The following ZNF215 variants were observed in gnomAD, a reference collection of about 807,000 sequenced individuals.
ZNF215 encodes the protein BWSCR2-associated zinc finger protein 2.
A neutral mutation model predicts 27.2 loss-of-function variants in ZNF215; 24 were observed. The observed-to-expected ratio is 0.88, with a 90% CI of 0.64 to 1.24. The LOEUF is 1.24. Among genes scored for constraint, ZNF215 ranks in the 50% most tolerant of loss-of-function variants. The pLI, the probability that ZNF215 is intolerant of heterozygous loss-of-function variation, is 0.00. For synonymous variants in ZNF215, 210 were observed against 204.0 expected (o/e 1.03, Z -0.25); for missense variants, 675 against 605.7 (o/e 1.11, Z -1.20).
At chr11:6,950,991 C>A (rs1294732297) in intron 6 of ZNF215, among the ~76,000 whole-genome samples, 1 of 152,048 alleles carries the variant, frequency 6.6e-6, no homozygotes, top group Non-Finnish European at 1.5e-5. Flanking sequence ...TTGAGATAAT[C>A]ATGTGGTTTT....
Position 6,956,482 on chromosome 11 carries a change from G to T in ZNF215, c.1505G>T (p.Ser502Ile). 6.2e-7 allele frequency: 1 copy of T among 1,607,988 alleles called. No individual in the cohort carries two copies. Among genetic ancestry groups the T allele is most frequent in the Non-Finnish European group, 8.5e-7 (1 of 1,178,248 alleles). The change falls in exon 7 of 7, where the codon AGT (serine) becomes ATT (isoleucine). Residue 502 changes from serine to isoleucine, a missense_variant. Coordinates refer to ENST00000278319, the MANE Select transcript of ZNF215 (RefSeq NM_013250.4). Reference protein sequence around the residue: ...CKECSKAFNRSSNLVKHQKLH... With the variant: ...CKECSKAFNRISNLVKHQKLH... ...GAATGTAGTAAAGCCTTCAACAGGA[G>T]TTCAAACCTTGTTAAACATCAAAAA...
intron 5 of ZNF215, among the ~76,000 whole-genome samples, chr11:6,980,937 A>G (rs1564978213): frequency 2.0e-5 from 3 of 149,348 alleles, no homozygotes; most frequent in Non-Finnish European, 3.0e-5. Flanking sequence ...AAGGACATGA[A>G]CTCATCATTT....
chr11:6,941,867 A>G (rs12575773), intron 4 of ZNF215, among the ~76,000 whole-genome samples: 5,152 of 152,290 alleles, frequency 0.034, 209 homozygotes, highest in East Asian at 0.17. Context: ...TATAGTTTCT[A>G]TTTTATCTGT....
Position 6,956,245 on chromosome 11 carries a change from C to G in ZNF215, c.1268C>G (p.Thr423Ser). Residue 423 changes from threonine to serine, a missense_variant, in exon 7 of 7, where the codon ACT becomes AGT. Thr to Ser is a moderately conservative substitution (Grantham distance 58). Transcript: ENST00000278319. The part of the protein sequence containing the change: ...GRFFNRRTNL[T>S]KHQKLHAEAK... ...TTCTTCAACCGACGTACAAACCTTACTAAGCATCAAAAACTTCATGCTGAA... is the reference window on the plus strand; with the variant it reads ...TTCTTCAACCGACGTACAAACCTTAGTAAGCATCAAAAACTTCATGCTGAA... 1.2e-6 allele frequency: 2 copies of G among 1,613,824 alleles called. No homozygotes were observed. Among genetic ancestry groups the G allele is most frequent in the Non-Finnish European group, 1.7e-6 (2 of 1,179,948 alleles).
intron 5 of ZNF215, among the ~76,000 whole-genome samples, chr11:6,974,522 C>T (rs1247285764): frequency 6.6e-6 from 1 of 152,110 alleles, no homozygotes; most frequent in African/African-American, 2.4e-5. Flanking sequence ...TCTTCCTATC[C>T]ATGAGCATGG....
At chr11:6,985,114 A>G (rs78173768), downstream of ZNF215, among the ~76,000 whole-genome samples, 1,425 of 152,274 alleles carry the variant, frequency 9.4e-3, 13 homozygotes, top group Non-Finnish European at 0.017. Flanking sequence ...ACTTCAGACC[A>G]ATGTCCCTGA....
chr11:6,937,939 G>A (rs967421880), intron 3 of ZNF215, among the ~76,000 whole-genome samples: 1 of 151,568 alleles, frequency 6.6e-6, no homozygotes, highest in African/African-American at 2.4e-5. Context: ...CTTAAATTTG[G>A]TAATCAATGC....
In ZNF215 at chr11:6,943,216, G is replaced by A; in HGVS notation, c.616+1G>A. ...AGGAACCTGAATTCATTGCGTAAAG[G>A]TGGTTTCTATATGTTTACCTAATCT... is the stretch of plus-strand genomic sequence containing the variant. On this transcript the variant is annotated splice_donor_variant, in intron 5 of 6. Transcript: ENST00000278319. LOFTEE classifies it high-confidence loss of function. The A allele has an allele frequency of 6.2e-7, 1 of 1,610,530 alleles. No individual in the cohort carries two copies. Among genetic ancestry groups the A allele is most frequent in the South Asian group, 1.1e-5 (1 of 90,246 alleles).
chr11:6,986,226 A>G (rs551794849), downstream of ZNF215, among the ~76,000 whole-genome samples: 2 of 152,274 alleles, frequency 1.3e-5, no homozygotes, highest in South Asian at 4.1e-4. Flanking sequence ...ATAAAGCCAC[A>G]TGCCCACAAC....
chr11:6,942,618 A>G (rs1849667274), intron 4 of ZNF215, among the ~76,000 whole-genome samples: 3 of 152,200 alleles, frequency 2.0e-5, no homozygotes, highest in Non-Finnish European at 1.5e-5. Context: ...GTGAGTCCCA[A>G]ATGATAAGAG....
downstream of ZNF215, chr11:6,988,670 G>A (rs994936878): frequency 1.3e-5 from 2 of 152,168 alleles, no homozygotes; most frequent in Non-Finnish European, 2.9e-5. Flanking sequence ...ATTGGCCTGT[G>A]TTTGTTCTTC....
At position 6,957,254 on chromosome 11, in the gene ZNF215, C is replaced by A; in HGVS notation, c.*723C>A. 1.1e-6 allele frequency: 1 copy of A among 931,910 alleles called. No individual in the cohort carries two copies. Among genetic ancestry groups the A allele is most frequent in the South Asian group, 5.0e-5 (1 of 20,118 alleles). 57.7% of individuals were successfully genotyped at this position (931,910 alleles called of 1,614,324 possible). ...ATGTTGATGAGAAAAATATCGATTCCCAGCCAGGGACACTGTGTGGAGTTC... is the reference window on the plus strand; with the variant it reads ...ATGTTGATGAGAAAAATATCGATTCACAGCCAGGGACACTGTGTGGAGTTC... On this transcript the variant is annotated 3_prime_UTR_variant, in exon 7 of 7. Transcript: ENST00000278319.
chr11:6,949,559 G>A (rs1172036014), intron 6 of ZNF215, among the ~76,000 whole-genome samples: 6 of 151,910 alleles, frequency 3.9e-5, no homozygotes, highest in African/African-American at 1.2e-4. Flanking sequence ...CATGTCCTTC[G>A]CCCACTTGTT....
intron 5 of ZNF215, among the ~76,000 whole-genome samples, chr11:6,974,263 T>C (rs1022775920): frequency 3.9e-5 from 6 of 152,208 alleles, no homozygotes; most frequent in African/African-American, 1.4e-4. Flanking sequence ...TATCCCTGTT[T>C]TGGTACCAGT....
intron 5 of ZNF215, among the ~76,000 whole-genome samples, chr11:6,970,591 CAAG>C (rs757282481): frequency 7.9e-5 from 12 of 152,176 alleles, no homozygotes; most frequent in Admixed American, 2.0e-4. Flanking sequence ...CAGAGAAAAA[CAAG>C]GGATAATTTA....
At chr11:6,928,517 T>C (rs970268149) in intron 2 of ZNF215, among the ~76,000 whole-genome samples, 1 of 152,202 alleles carries the variant, frequency 6.6e-6, no homozygotes, top group Non-Finnish European at 1.5e-5. Flanking sequence ...ACTAAACTCT[T>C]GAATATTTTT....
chr11:6,951,712 G>T (rs1376637198), intron 6 of ZNF215, among the ~76,000 whole-genome samples: 1 of 151,964 alleles, frequency 6.6e-6, no homozygotes, highest in East Asian at 1.9e-4. Flanking sequence ...TTTTTGAAGG[G>T]TTTTTTGTGT....
intron 6 of ZNF215, among the ~76,000 whole-genome samples, chr11:6,954,591 C>T (rs544371452): frequency 2.5e-4 from 38 of 152,210 alleles, no homozygotes; most frequent in Non-Finnish European, 4.6e-4. Flanking sequence ...GTCGGGAAAG[C>T]GCAGTATTAG....
At chr11:6,967,704 T>C (rs1396683317) in intron 5 of ZNF215, among the ~76,000 whole-genome samples, 1 of 152,226 alleles carries the variant, frequency 6.6e-6, no homozygotes, top group Admixed American at 6.5e-5. Context: ...TTCAGGTGAA[T>C]AGATTACAAA....
Sources: allele counts gnomAD v4.1 joint callset (sites outside exome capture counted in the v4.1 genomes callset), GRCh38; gene constraint gnomAD v4.1.1; transcripts MANE v1.5; gene names NCBI Gene and HGNC (gene_info 2026-07-23, HGNC 2026-07-21).